GSK3B: variants seen among roughly 807,000 people sequenced by gnomAD.
GSK3B encodes the protein glycogen synthase kinase-3 beta.
Under a neutral mutation model 56.4 loss-of-function variants are expected in GSK3B, and 15 were observed. That is an observed-to-expected ratio of 0.27 (90% CI 0.18 to 0.41). The LOEUF (loss-of-function observed/expected upper bound fraction) is 0.41. GSK3B is among the 10% of genes least tolerant of loss of function. The probability of loss-of-function intolerance (pLI) is 1.00; values close to 1 mark genes in which losing one functional copy is unlikely to be tolerated. For missense variants in GSK3B, 300 were observed against 513.4 expected, an observed-to-expected ratio of 0.58 and a Z score of 4.02; for synonymous variants, 181 against 188.9, an observed-to-expected ratio of 0.96 and a Z score of 0.34.
intron 3 of GSK3B, among the ~76,000 whole-genome samples, chr3:119,931,446 T>C (rs2056944614): frequency 6.6e-6 from 1 of 152,086 alleles, no homozygotes; most frequent in African/African-American, 2.4e-5. Context: ...CGAAACCCTG[T>C]CTCTACCAAA....
intron 9 of GSK3B, among the ~76,000 whole-genome samples, chr3:119,859,432 A>C (rs186428614): frequency 2.0e-5 from 3 of 152,302 alleles, no homozygotes; most frequent in Non-Finnish European, 2.9e-5. Flanking sequence ...ACAAATATGG[A>C]ATCTGCTAGT....
In GSK3B at chr3:120,002,095, G is replaced by A. The variant is rs202134968; in HGVS notation, c.233C>T (p.Ser78Leu). The part of the protein sequence containing the change: ...GVVYQAKLCD[S>L]GELVAIKKVL... ...TTTCTTGATGGCGACCAGTTCTCCTGAATCACAAAGTTTGGCTTGATATAC... is the reference window on the plus strand; with the variant it reads ...TTTCTTGATGGCGACCAGTTCTCCTAAATCACAAAGTTTGGCTTGATATAC... The change falls in exon 2 of 11, where the codon TCA becomes TTA. Residue 78 changes from serine (S) to leucine (L), a missense_variant. Ser to Leu is a moderately radical substitution (Grantham distance 145, BLOSUM62 -2). Transcript: ENST00000264235. 3.9e-5 allele frequency: 63 copies of A among 1,608,482 alleles called. No individual in the cohort carries two copies. Among genetic ancestry groups the A allele is most frequent in the Non-Finnish European group, 5.1e-5 (60 of 1,177,804 alleles).
At chr3:119,988,727 AG>A (rs201151675) in intron 2 of GSK3B, among the ~76,000 whole-genome samples, 2,114 of 152,316 alleles carry the variant, frequency 0.014, 14 homozygotes, top group Non-Finnish European at 0.022. Context: ...GTACAAATCC[AG>A]GGCTGGGCTT....
At chr3:119,836,928 T>G (rs1006524120) in intron 10 of GSK3B, among the ~76,000 whole-genome samples, 2 of 152,232 alleles carry the variant, frequency 1.3e-5, no homozygotes, top group Non-Finnish European at 1.5e-5. Context: ...GTTTGTGAAA[T>G]GTACAGATGA....
At chr3:119,923,323 G>T in intron 4 of GSK3B, 50 bp downstream of exon 4, 1 of 917,318 alleles carries the variant, frequency 1.1e-6, no homozygotes, top group Non-Finnish European at 1.8e-6. Flanking sequence ...GCTCTCCTTG[G>T]TTCATAAAAA....
At chr3:120,068,394 A>G (rs2058298275) in intron 1 of GSK3B, among the ~76,000 whole-genome samples, 2 of 144,944 alleles carry the variant, frequency 1.4e-5, no homozygotes, top group Middle Eastern at 3.8e-3. Context: ...CCGTCTCAAA[A>G]AAAAAAAAAA....
chr3:119,863,539 T>C lies in GSK3B; in HGVS notation c.976A>G (p.Thr326Ala), dbSNP rs777620218. ...GCTTCCAGTGGTGTTAGTCGGGCAG[T>C]TGGTGTATACTCCAGCAGACGGCTA... The part of the protein sequence containing the change: ...LCSRLLEYTP[T>A]ARLTPLEACA... Residue 326 changes from threonine (T) to alanine (A), a missense_variant, in exon 9 of 11, where the codon ACT becomes GCT. Physicochemically the swap from Thr to Ala is moderately conservative, Grantham distance 58. Around this residue, in one of 6 missense-constraint regions of GSK3B, gnomAD observed 38 missense variants for 58.3 expected, o/e 0.65. Coordinates refer to ENST00000264235, the MANE Select transcript of GSK3B (RefSeq NM_001146156.2). The C allele has an allele frequency of 3.7e-6, 6 of 1,613,692 alleles. No homozygotes were observed. The highest frequency in any genetic ancestry group is 2.2e-5 in the South Asian group (2 of 91,060).
intron 2 of GSK3B, among the ~76,000 whole-genome samples, chr3:119,992,653 C>A (rs971252118): frequency 6.6e-6 from 1 of 151,216 alleles, no homozygotes; most frequent in Non-Finnish European, 1.5e-5. Flanking sequence ...AAAAAAAAAA[C>A]TACCATACAC....
At chr3:120,027,379 GAA>G (rs199837392) in intron 1 of GSK3B, among the ~76,000 whole-genome samples, 6 of 112,426 alleles carry the variant, frequency 5.3e-5, no homozygotes, top group African/African-American at 3.3e-5. Flanking sequence ...TCTGTCTCAG[GAA>G]AAAAAAAAAA....
intron 10 of GSK3B, among the ~76,000 whole-genome samples, chr3:119,842,214 A>G (rs1439763459): frequency 1.3e-5 from 2 of 152,140 alleles, no homozygotes; most frequent in Non-Finnish European, 2.9e-5. Context: ...TAAGGGTTGG[A>G]TATTTTCAGA....
At chr3:120,074,381 CCA>C (rs2058351981) in intron 1 of GSK3B, among the ~76,000 whole-genome samples, 1 of 144,298 alleles carries the variant, frequency 6.9e-6, no homozygotes, top group Non-Finnish European at 1.5e-5. Context: ...AGACAGAGTT[CCA>C]CTCTGTCACC....
chr3:120,029,307 A>G (rs2057955813), intron 1 of GSK3B: 1 of 743,682 alleles, frequency 1.3e-6, no homozygotes, highest in African/African-American at 1.7e-5. Context: ...TCTGCAGCGG[A>G]CAATGATCAG....
At chr3:119,995,793 A>G (rs2057611600) in intron 2 of GSK3B, among the ~76,000 whole-genome samples, 1 of 145,780 alleles carries the variant, frequency 6.9e-6, no homozygotes, top group Non-Finnish European at 1.5e-5. Context: ...GCTAGAGTGC[A>G]GTGGCGCAAT....
chr3:120,087,701 C>G (rs2058476689), intron 1 of GSK3B, among the ~76,000 whole-genome samples: 1 of 152,102 alleles, frequency 6.6e-6, no homozygotes, highest in South Asian at 2.1e-4. Context: ...AGTTTCAAGA[C>G]AAATACATCA....
chr3:120,066,619 G>C (rs966743140), intron 1 of GSK3B, among the ~76,000 whole-genome samples: 3 of 152,066 alleles, frequency 2.0e-5, no homozygotes, highest in African/African-American at 7.2e-5. Flanking sequence ...AAAAATTCCA[G>C]CTACAAATAC....
chr3:119,987,383 C>A (rs1159248988), intron 2 of GSK3B, among the ~76,000 whole-genome samples: 2 of 151,928 alleles, frequency 1.3e-5, no homozygotes, highest in Non-Finnish European at 2.9e-5. Flanking sequence ...AGTTTATATG[C>A]AAGGTGTGTA....
rs1300155412 is a variant in GSK3B at position 119,824,895 on chromosome 3, AC to A, written c.*1892del. On this transcript the variant is annotated 3_prime_UTR_variant, in exon 11 of 11. Transcript: ENST00000264235. ...ACAACTCTCTTGGAGAGTCACACAC[AC>A]AGTTAAGGAGCAGGACAGGGTGCTA... 5.5e-6 allele frequency: 1 copy of A among 180,640 alleles called. No individual in the cohort carries two copies. The highest frequency in any genetic ancestry group is 9.1e-5 in the East Asian group (1 of 11,016). 11.2% of individuals were successfully genotyped at this position (180,640 alleles called of 1,614,324 possible).
intron 2 of GSK3B, among the ~76,000 whole-genome samples, chr3:120,000,197 C>T (rs529512850): frequency 2.6e-5 from 4 of 152,256 alleles, no homozygotes; most frequent in Admixed American, 1.3e-4. Flanking sequence ...GCAAATGGAA[C>T]AGTCTGAATA....
chr3:119,991,251 C>A (rs2057561857), intron 2 of GSK3B, among the ~76,000 whole-genome samples: 2 of 152,172 alleles, frequency 1.3e-5, no homozygotes, highest in Non-Finnish European at 1.5e-5. Flanking sequence ...CCTACCCAAT[C>A]TTTATCCCCA....
Sources: allele counts gnomAD v4.1 joint callset (sites outside exome capture counted in the v4.1 genomes callset), GRCh38; gene constraint gnomAD v4.1.1; regional missense constraint gnomAD v4.1.1; transcripts MANE v1.5; gene names NCBI Gene and HGNC (gene_info 2026-07-23, HGNC 2026-07-21).